DSCAM: variants seen among roughly 807,000 people sequenced by gnomAD.
DSCAM encodes DS cell adhesion molecule.
Under a neutral mutation model 217.7 loss-of-function variants are expected in DSCAM, and 47 were observed. That is an observed-to-expected ratio of 0.22 (90% CI 0.17 to 0.28). The LOEUF is 0.28. Ranked by LOEUF, DSCAM falls within the 10% of genes least tolerant of loss-of-function variation. The pLI is 1.00. For synonymous variants in DSCAM, 1,056 were observed against 1,015.3 expected, an observed-to-expected ratio of 1.04 and a Z score of -0.76; for missense variants, 2,080 against 2,618.3, an observed-to-expected ratio of 0.79 and a Z score of 4.49.
chr21:40,041,119 G>A (rs2088740753), intron 32 of DSCAM, among the ~76,000 whole-genome samples: 2 of 152,112 alleles, frequency 1.3e-5, no homozygotes, highest in African/African-American at 4.8e-5. Flanking sequence ...CATTTATAAA[G>A]CTCATTTCAG....
At chr21:40,675,948 AGT>A (rs1159984629) in intron 3 of DSCAM, among the ~76,000 whole-genome samples, 1 of 152,234 alleles carries the variant, frequency 6.6e-6, no homozygotes, top group African/African-American at 2.4e-5. Flanking sequence ...AGCCACTATT[AGT>A]AAAAAGCAGC....
At chr21:40,503,761 G>A (rs951088794) in intron 3 of DSCAM, among the ~76,000 whole-genome samples, 2 of 152,226 alleles carry the variant, frequency 1.3e-5, no homozygotes, top group East Asian at 3.9e-4. Flanking sequence ...CAAAGATTAA[G>A]ATCTAGCTCT....
chr21:40,780,241 C>A (rs946722732), intron 1 of DSCAM, among the ~76,000 whole-genome samples: 2 of 151,964 alleles, frequency 1.3e-5, no homozygotes, highest in East Asian at 1.9e-4. Context: ...TTCTTTCTAT[C>A]AGAAGCTAAG....
chr21:40,218,694 A>T (rs2091265250), intron 11 of DSCAM, among the ~76,000 whole-genome samples: 1 of 151,726 alleles, frequency 6.6e-6, no homozygotes, highest in Non-Finnish European at 1.5e-5. Context: ...TTCTTGTTGT[A>T]GAGATCTTTC....
At chr21:40,586,793 C>G (rs1352919556) in intron 3 of DSCAM, among the ~76,000 whole-genome samples, 1 of 152,164 alleles carries the variant, frequency 6.6e-6, no homozygotes, top group Non-Finnish European at 1.5e-5. Flanking sequence ...TTACGCAATC[C>G]TCAGTTTGTT....
At chr21:40,112,997 G>T (rs902757021) in intron 20 of DSCAM, among the ~76,000 whole-genome samples, 1 of 152,144 alleles carries the variant, frequency 6.6e-6, no homozygotes, top group Non-Finnish European at 1.5e-5. Flanking sequence ...ACAAGGAGGA[G>T]CTGGTACCAT....
At chr21:40,350,274 A>G (rs1178875508) in intron 5 of DSCAM, among the ~76,000 whole-genome samples, 1 of 152,214 alleles carries the variant, frequency 6.6e-6, no homozygotes, top group Non-Finnish European at 1.5e-5. Context: ...AACAAAAGCC[A>G]AAATTGACAA....
chr21:40,187,834 A>C (rs2090911702), intron 13 of DSCAM, 57 bp downstream of exon 13: 1 of 1,444,838 alleles, frequency 6.9e-7, no homozygotes, highest in Admixed American at 1.7e-5. Flanking sequence ...GAGGCTGAGC[A>C]TACAGCTCCC....
chr21:40,669,006 T>C (rs1247394384), intron 3 of DSCAM, among the ~76,000 whole-genome samples: 1 of 152,098 alleles, frequency 6.6e-6, no homozygotes, highest in East Asian at 1.9e-4. Flanking sequence ...CACCAGATAA[T>C]AAATTCCTTG....
intron 24 of DSCAM, among the ~76,000 whole-genome samples, chr21:40,081,663 G>A (rs1445074036): frequency 1.3e-5 from 2 of 151,918 alleles, no homozygotes; most frequent in Non-Finnish European, 2.9e-5. Flanking sequence ...TTCCACCCTC[G>A]AAGCCACCTC....
At chr21:40,644,609 G>A (rs1049385109) in intron 3 of DSCAM, among the ~76,000 whole-genome samples, 2 of 152,108 alleles carry the variant, frequency 1.3e-5, no homozygotes, top group African/African-American at 2.4e-5. Context: ...GCCTCGAAAG[G>A]GCACCTAGGG....
chr21:40,032,940 G>A (rs1468571988), intron 32 of DSCAM, among the ~76,000 whole-genome samples: 5 of 152,210 alleles, frequency 3.3e-5, no homozygotes, highest in African/African-American at 1.2e-4. Context: ...GCATCGGCAT[G>A]TTTACAGCCT....
intron 3 of DSCAM, among the ~76,000 whole-genome samples, chr21:40,372,256 T>A (rs1314813278): frequency 2.0e-5 from 3 of 152,238 alleles, no homozygotes; most frequent in African/African-American, 7.2e-5. Flanking sequence ...AAATGGTTTG[T>A]TCATGTCCTT....
rs116392248 is a variant in DSCAM at position 40,039,557 on chromosome 21, G to A, written c.5686+2814C>T. 8.2e-3 allele frequency among the ~76,000 whole-genome samples: 1,251 copies of A among 152,138 alleles called. 18 individuals are homozygous for A. Among genetic ancestry groups the A allele is most frequent in the African/African-American group, 0.029 (1,207 of 41,512 alleles). Reference sequence around the variant, plus strand: ...GTGTATATTATAAACACACACAGGAGATATATATATTTATGTATAGAGAGA... The same window carrying A: ...GTGTATATTATAAACACACACAGGAAATATATATATTTATGTATAGAGAGA... On this transcript the variant is annotated intron_variant, in intron 32 of 32. Transcript: ENST00000400454.
chr21:40,747,230 A>T (rs560432667), intron 1 of DSCAM, among the ~76,000 whole-genome samples: 72 of 151,812 alleles, frequency 4.7e-4, no homozygotes, highest in African/African-American at 1.7e-3. Context: ...AATAAACAAA[A>T]TAGAGGTTTT....
rs902330436 is a variant in DSCAM at position 40,348,036 on chromosome 21, C to A, written c.935-91G>T. ...GGCTGGACTTTCAACAAAGCAAGTG[C>A]ATCACGCAATCATACTCCACACAGT... On this transcript the variant is annotated intron_variant, in intron 5 of 32. Coordinates refer to ENST00000400454, the MANE Select transcript of DSCAM (RefSeq NM_001389.5). 12 of 1,404,142 alleles carry A rather than the reference C, an allele frequency of 8.5e-6. No individual in the cohort carries two copies. The Middle Eastern group carries it at 1.2e-3, about 144-fold the overall frequency. The allele number at this position is 1,404,142 out of a possible 1,614,324, so 87.0% of individuals were successfully genotyped here.
chr21:40,789,745 C>T (rs1297780777), intron 1 of DSCAM, among the ~76,000 whole-genome samples: 9 of 152,102 alleles, frequency 5.9e-5, no homozygotes, highest in East Asian at 3.9e-4. Context: ...TTAGTAGAGA[C>T]GGGGTTTCAC....
intron 1 of DSCAM, among the ~76,000 whole-genome samples, chr21:40,781,169 C>T (rs992579388): frequency 1.8e-4 from 27 of 151,840 alleles, no homozygotes; most frequent in African/African-American, 5.6e-4. Context: ...CCACCATGCC[C>T]GGGTAATTTT....
intron 3 of DSCAM, among the ~76,000 whole-genome samples, chr21:40,480,518 C>G (rs970531271): frequency 2.6e-5 from 4 of 152,160 alleles, no homozygotes; most frequent in Non-Finnish European, 1.5e-5. Context: ...TTTCTAGAAA[C>G]TTGAAACATA....
Sources: gnomAD v4.1 joint callset for allele counts (sites outside exome capture counted in the v4.1 genomes callset) on GRCh38, gnomAD v4.1.1 for gene constraint, MANE v1.5 for transcripts, NCBI Gene and HGNC (gene_info 2026-07-23, HGNC 2026-07-21) for gene names.